The following RFFL variants were observed in gnomAD, a reference collection of about 807,000 sequenced individuals.
The protein encoded by RFFL is E3 ubiquitin-protein ligase rififylin.
A neutral mutation model predicts 40.4 loss-of-function variants in RFFL; 16 were observed. That is an observed-to-expected ratio of 0.40 (90% CI 0.27 to 0.60). The LOEUF (loss-of-function observed/expected upper bound fraction) is 0.60. Ranked by LOEUF, RFFL falls within the 20% of genes least tolerant of loss-of-function variation. The pLI, the probability that RFFL is intolerant of heterozygous loss-of-function variation, is 0.47. For missense variants in RFFL, 367 were observed against 451.7 expected (o/e 0.81, Z 1.70); for synonymous variants, 154 against 167.9 (o/e 0.92, Z 0.64).
In RFFL at chr17:35,020,767, A is replaced by G. The variant is rs138920313; in HGVS notation, c.591+604T>C. 4.0e-3 allele frequency among the ~76,000 whole-genome samples: 604 copies of G among 152,124 alleles called. 4 individuals are homozygous for G. The highest frequency in any genetic ancestry group is 0.013 in the African/African-American group (531 of 41,466). On this transcript the variant is annotated intron_variant, in intron 3 of 6. Coordinates refer to ENST00000394597, the MANE Select transcript of RFFL (RefSeq NM_001017368.2). ...TATTACTCATTTCTATACTCCCCAG[A>G]CCTGGGTCATGATTCAGTTGATGTG... is the stretch of plus-strand genomic sequence containing the variant.
intron 1 of RFFL, among the ~76,000 whole-genome samples, chr17:35,085,732 T>G (rs2091426212): frequency 6.6e-6 from 1 of 152,190 alleles, no homozygotes; most frequent in Non-Finnish European, 1.5e-5. Context: ...CCAGCCAAGA[T>G]GCAGATTTTA....
Position 35,009,674 on chromosome 17 carries a change from TG to T in RFFL, c.*2293del, listed in dbSNP as rs1247337418. On this transcript the variant is annotated 3_prime_UTR_variant, in exon 7 of 7. Coordinates refer to ENST00000394597, the MANE Select transcript of RFFL (RefSeq NM_001017368.2). ...GGGGATAAAAGATTTAAAGGCAAAATGAGTAAACAACCTCAGTTTTAATTCT... is the reference window on the plus strand; with the variant it reads ...GGGGATAAAAGATTTAAAGGCAAAATAGTAAACAACCTCAGTTTTAATTCT... 6.6e-6 allele frequency: 1 copy of T among 151,884 alleles called. No individual in the cohort carries two copies. The highest frequency in any genetic ancestry group is 1.5e-5 in the Non-Finnish European group (1 of 68,006). The allele number at this position is 151,884 out of a possible 1,614,324, so 9.4% of individuals were successfully genotyped here.
At chr17:35,079,860 C>T (rs1037663449) in intron 1 of RFFL, among the ~76,000 whole-genome samples, 1 of 152,194 alleles carries the variant, frequency 6.6e-6, no homozygotes, top group African/African-American at 2.4e-5. Context: ...TATACTTTAG[C>T]TCTGACACAG....
At chr17:35,049,334 T>C (rs1163399155) in intron 1 of RFFL, among the ~76,000 whole-genome samples, 2 of 152,056 alleles carry the variant, frequency 1.3e-5, no homozygotes, top group South Asian at 4.1e-4. Flanking sequence ...AAACACATTA[T>C]CAAAACCTTT....
At chr17:35,015,607 T>G (rs895467143) in intron 5 of RFFL, among the ~76,000 whole-genome samples, 2 of 152,184 alleles carry the variant, frequency 1.3e-5, no homozygotes, top group African/African-American at 4.8e-5. Flanking sequence ...GAAGAGAGCC[T>G]GAAACCTGAC....
At chr17:35,035,913 G>T (rs1261091112) in intron 1 of RFFL, among the ~76,000 whole-genome samples, 1 of 151,980 alleles carries the variant, frequency 6.6e-6, no homozygotes, top group African/African-American at 2.4e-5. Context: ...ATGTTGGCCA[G>T]ACTGGTCTTG....
At chr17:35,053,402 G>A (rs1450576889) in intron 1 of RFFL, among the ~76,000 whole-genome samples, 3 of 152,112 alleles carry the variant, frequency 2.0e-5, no homozygotes, top group Non-Finnish European at 4.4e-5. Context: ...ACAGGGAGGG[G>A]CATTTTGACT....
chr17:35,021,640 C>T lies in RFFL; in HGVS notation c.322G>A (p.Asp108Asn). 6.2e-7 allele frequency: 1 copy of T among 1,614,220 alleles called. No homozygotes were observed. The change falls in exon 3 of 7, where the codon GAC becomes AAC. Residue 108 changes from aspartate to asparagine, a missense_variant. Asp to Asn is a conservative substitution (Grantham distance 23). Coordinates refer to ENST00000394597, the MANE Select transcript of RFFL (RefSeq NM_001017368.2). ...REELMKMKVK[D>N]LRDYLSLHDI... ...TGGAGGCTGAGATAGTCCCTCAAGT[C>T]CTTCACCTTCATCTTCATGAGCTCC...
At chr17:35,076,790 C>T (rs367682280) in intron 1 of RFFL, 3 of 210,402 alleles carry the variant, frequency 1.4e-5, no homozygotes, top group South Asian at 8.9e-5. Flanking sequence ...CGTGACAGGA[C>T]GTACCACCTT....
At chr17:35,073,193 GT>G (rs1406813422) in intron 1 of RFFL, among the ~76,000 whole-genome samples, 3 of 152,150 alleles carry the variant, frequency 2.0e-5, no homozygotes, top group South Asian at 4.1e-4. Context: ...TAGATTGGTT[GT>G]TGGCCCAACT....
At chr17:35,055,687 AAC>A (rs2091256948) in intron 1 of RFFL, among the ~76,000 whole-genome samples, 2 of 145,238 alleles carry the variant, frequency 1.4e-5, no homozygotes, top group African/African-American at 2.8e-5. Context: ...AAAACAAACA[AAC>A]AAACAAACAA....
chr17:35,058,519 TC>T (rs2073420711), intron 1 of RFFL, among the ~76,000 whole-genome samples: 1 of 152,212 alleles, frequency 6.6e-6, no homozygotes, highest in Admixed American at 6.5e-5. Flanking sequence ...ACGCCTGTAA[TC>T]CCAGCACTTT....
chr17:35,021,957 C>G (rs1177328649), intron 2 of RFFL, among the ~76,000 whole-genome samples, 176 bp from the exon 3 acceptor site: 1 of 152,212 alleles, frequency 6.6e-6, no homozygotes, highest in East Asian at 1.9e-4. Context: ...AGATTAAAAG[C>G]CACTCGGGTG....
chr17:35,012,238 G>A (rs1410664434), intron 6 of RFFL, 89 bp from the exon 7 acceptor site: 1 of 1,073,208 alleles, frequency 9.3e-7, no homozygotes. Flanking sequence ...AGGGAGGTGG[G>A]AGATAACAGG....
chr17:35,044,428 T>C (rs752440580), intron 1 of RFFL, among the ~76,000 whole-genome samples: 41 of 152,124 alleles, frequency 2.7e-4, no homozygotes, highest in Non-Finnish European at 5.6e-4. Context: ...CTCACGCCTG[T>C]AATCCCAGTG....
At chr17:35,052,399 GA>G (rs1452432305) in intron 1 of RFFL, among the ~76,000 whole-genome samples, 2 of 152,066 alleles carry the variant, frequency 1.3e-5, no homozygotes. Flanking sequence ...ATTCATGGGG[GA>G]ACTCAAGCCA....
At chr17:35,081,361 T>C (rs1403030349) in intron 1 of RFFL, among the ~76,000 whole-genome samples, 1 of 152,210 alleles carries the variant, frequency 6.6e-6, no homozygotes, top group Non-Finnish European at 1.5e-5. Context: ...GAGGATTTAC[T>C]AGGTATCACA....
intron 1 of RFFL, among the ~76,000 whole-genome samples, chr17:35,035,859 A>G (rs1363782380): frequency 6.6e-6 from 1 of 151,806 alleles, no homozygotes; most frequent in Non-Finnish European, 1.5e-5. Context: ...GTGCATCACT[A>G]CACCTGGCTA....
chr17:35,075,595 T>G (rs376353969), intron 1 of RFFL, among the ~76,000 whole-genome samples: 6 of 152,204 alleles, frequency 3.9e-5, no homozygotes, highest in African/African-American at 1.4e-4. Flanking sequence ...TTCAAACAGT[T>G]TCATTATTGT....
Sources: allele counts gnomAD v4.1 joint callset (sites outside exome capture counted in the v4.1 genomes callset), GRCh38; gene constraint gnomAD v4.1.1; transcripts MANE v1.5; gene names NCBI Gene and HGNC (gene_info 2026-07-23, HGNC 2026-07-21).